Variants in SLC26A7 observed in about 807,000 individuals in gnomAD.
SLC26A7 encodes anion exchange transporter.
In SLC26A7, 59 loss-of-function variants were observed where a neutral mutation model predicts 82.5. The observed-to-expected ratio is 0.72, with a 90% CI of 0.58 to 0.89. The LOEUF is 0.89. Ranked by LOEUF, SLC26A7 falls within the 40% of genes least tolerant of loss-of-function variation. The pLI is 0.00. For missense variants in SLC26A7, 820 were observed against 793.0 expected, an observed-to-expected ratio of 1.03 and a Z score of -0.41; for synonymous variants, 271 against 274.3, an observed-to-expected ratio of 0.99 and a Z score of 0.12.
At chr8:91,337,535 C>T (rs1051326286) in intron 6 of SLC26A7, among the ~76,000 whole-genome samples, 3 of 152,096 alleles carry the variant, frequency 2.0e-5, no homozygotes, top group African/African-American at 7.2e-5. Context: ...TGTAACCTTG[C>T]TTAGCATATG....
chr8:91,275,691 G>A (rs1811388382), intron 2 of SLC26A7, among the ~76,000 whole-genome samples: 3 of 152,108 alleles, frequency 2.0e-5, no homozygotes, highest in Admixed American at 6.6e-5. Flanking sequence ...AAACTTTGGG[G>A]GAATTGCTGG....
At chr8:91,302,442 T>C (rs1029474172) in intron 4 of SLC26A7, among the ~76,000 whole-genome samples, 2 of 152,118 alleles carry the variant, frequency 1.3e-5, no homozygotes, top group East Asian at 3.8e-4. Flanking sequence ...CTGTTTCTCT[T>C]CTCTGTTACC....
At chr8:91,376,417 G>A (rs965243987) in intron 15 of SLC26A7, among the ~76,000 whole-genome samples, 7 of 151,990 alleles carry the variant, frequency 4.6e-5, no homozygotes, top group African/African-American at 1.2e-4. Flanking sequence ...TTCCCTTGAG[G>A]GTATACTGCA....
intron 5 of SLC26A7, 122 bp from the exon 6 acceptor site, chr8:91,334,173 T>G: frequency 1.1e-6 from 1 of 910,626 alleles, no homozygotes; most frequent in Non-Finnish European, 1.6e-6. Flanking sequence ...CCTATATCTT[T>G]CCTCTCCCTA....
At chr8:91,230,001 T>G (rs1311231010) in intron 2 of SLC26A7, among the ~76,000 whole-genome samples, 1 of 152,332 alleles carries the variant, frequency 6.6e-6, no homozygotes, top group East Asian at 1.9e-4. Context: ...CTGATATTTT[T>G]TTCCACCATA....
intron 11 of SLC26A7, among the ~76,000 whole-genome samples, chr8:91,362,129 A>C (rs538889050): frequency 6.6e-6 from 1 of 151,702 alleles, no homozygotes; most frequent in African/African-American, 2.4e-5. Context: ...CAGTGTCTGG[A>C]AATAAAAGAA....
At chr8:91,368,320 T>A (rs529585095) in intron 14 of SLC26A7, among the ~76,000 whole-genome samples, 1 of 152,352 alleles carries the variant, frequency 6.6e-6, no homozygotes, top group East Asian at 1.9e-4. Context: ...CAGCCTACAC[T>A]TAAGAAGCGT....
At chr8:91,366,531 G>A (rs749447510) in intron 13 of SLC26A7, 49 bp from the exon 14 acceptor site, 2 of 1,583,134 alleles carry the variant, frequency 1.3e-6, no homozygotes. Flanking sequence ...TTGTTTATTG[G>A]CTATAATTTT....
intron 5 of SLC26A7, among the ~76,000 whole-genome samples, chr8:91,330,557 G>A (rs1456669477): frequency 6.6e-6 from 1 of 152,118 alleles, no homozygotes; most frequent in African/African-American, 2.4e-5. Context: ...TAGCCTGTGT[G>A]CCAGAATAAA....
At chr8:91,339,661 T>A (rs202214545) in intron 7 of SLC26A7, among the ~76,000 whole-genome samples, 2 of 146,226 alleles carry the variant, frequency 1.4e-5, no homozygotes, top group Admixed American at 6.8e-5. Context: ...TATTTATTTA[T>A]TTAATTTATT....
chr8:91,356,938 T>A (rs112752702), intron 11 of SLC26A7, among the ~76,000 whole-genome samples: 25 of 152,150 alleles, frequency 1.6e-4, no homozygotes, highest in African/African-American at 5.8e-4. Flanking sequence ...CAGCCCGCAG[T>A]TCTTATTTAG....
At chr8:91,274,225 T>C (rs1207678664) in intron 2 of SLC26A7, among the ~76,000 whole-genome samples, 3 of 152,190 alleles carry the variant, frequency 2.0e-5, no homozygotes, top group Admixed American at 1.3e-4. Context: ...CACTAGAACA[T>C]AAACTAGGAT....
intron 11 of SLC26A7, among the ~76,000 whole-genome samples, chr8:91,355,550 C>A (rs1410882878): frequency 6.6e-6 from 1 of 151,926 alleles, no homozygotes; most frequent in African/African-American, 2.4e-5. Flanking sequence ...TTAAACATGG[C>A]TTTTATTTTC....
At chr8:91,266,258 C>T (rs1324769965) in intron 2 of SLC26A7, among the ~76,000 whole-genome samples, 4 of 151,194 alleles carry the variant, frequency 2.6e-5, no homozygotes, top group Admixed American at 6.6e-5. Flanking sequence ...GCTTTTTTTT[C>T]TATTTATGTG....
At chr8:91,248,385 T>C (rs184656269), upstream of SLC26A7, among the ~76,000 whole-genome samples, 9 of 152,170 alleles carry the variant, frequency 5.9e-5, no homozygotes, top group Non-Finnish European at 1.2e-4. Flanking sequence ...TCCAAGTACT[T>C]TGTTATTATA....
At chr8:91,350,830 C>T (rs1232688676) in intron 9 of SLC26A7, among the ~76,000 whole-genome samples, 1 of 152,072 alleles carries the variant, frequency 6.6e-6, no homozygotes, top group South Asian at 2.1e-4. Context: ...CTTAGCCAGT[C>T]CTGAGTCATA....
At chr8:91,375,586 G>A (rs573267487) in intron 15 of SLC26A7, among the ~76,000 whole-genome samples, 1 of 151,392 alleles carries the variant, frequency 6.6e-6, no homozygotes, top group South Asian at 2.1e-4. Context: ...TATTTTTGCT[G>A]AGAAGTCTAC....
At chr8:91,293,130 G>C (rs1445799838) in intron 3 of SLC26A7, among the ~76,000 whole-genome samples, 3 of 152,164 alleles carry the variant, frequency 2.0e-5, no homozygotes, top group Non-Finnish European at 4.4e-5. Context: ...GCTGAGAGAG[G>C]TTAGGTAACT....
chr8:91,210,546 GAC>G (rs1166789108), intron 1 of SLC26A7, among the ~76,000 whole-genome samples: 2 of 112,788 alleles, frequency 1.8e-5, no homozygotes, highest in Non-Finnish European at 3.6e-5. Flanking sequence ...TTTAAACACA[GAC>G]ACACACACAC....
Sources: allele counts gnomAD v4.1 joint callset (sites outside exome capture counted in the v4.1 genomes callset), GRCh38; gene constraint gnomAD v4.1.1; transcripts MANE v1.5; gene names NCBI Gene and HGNC (gene_info 2026-07-23, HGNC 2026-07-21).